Variants in ANKRD62 observed in about 807,000 individuals in gnomAD.
ANKRD62 encodes the protein ankyrin repeat domain-containing protein 62.
Under a neutral mutation model 98.8 loss-of-function variants are expected in ANKRD62, and 61 were observed. The ratio of observed to expected loss-of-function variants is 0.62; its 90% CI spans 0.50 to 0.76. The LOEUF (loss-of-function observed/expected upper bound fraction) is 0.76. Among genes scored for constraint, ANKRD62 ranks in the 30% least tolerant of loss-of-function variants. ANKRD62 has a pLI of 0.00. For missense variants in ANKRD62, 933 were observed against 1,082.9 expected, an observed-to-expected ratio of 0.86 and a Z score of 1.94; for synonymous variants, 341 against 367.9, an observed-to-expected ratio of 0.93 and a Z score of 0.84.
chr18:12,105,450 T>G (rs1306337605), intron 7 of ANKRD62, among the ~76,000 whole-genome samples: 4 of 152,212 alleles, frequency 2.6e-5, no homozygotes, highest in African/African-American at 9.6e-5. Flanking sequence ...CATGGTCTGA[T>G]GTTGAGTGCC....
At chr18:12,131,150 A>T (rs1427263123), downstream of ANKRD62, among the ~76,000 whole-genome samples, 1 of 152,180 alleles carries the variant, frequency 6.6e-6, no homozygotes, top group African/African-American at 2.4e-5. Context: ...TCAGATTTTC[A>T]AGTTAGTGTT....
the ANKRD62 span, among the ~76,000 whole-genome samples, chr18:12,136,982 T>C: frequency 6.6e-6 from 1 of 152,170 alleles, no homozygotes; most frequent in East Asian, 1.9e-4. Flanking sequence ...TATACAATCA[T>C]GTCATCTGCA....
At chr18:12,139,875 T>G in the ANKRD62 span, among the ~76,000 whole-genome samples, 1 of 152,148 alleles carries the variant, frequency 6.6e-6, no homozygotes, top group Non-Finnish European at 1.5e-5. Context: ...CTGTATTTCC[T>G]GAATTTTAAT....
At chr18:12,158,014 A>G in the ANKRD62 span, among the ~76,000 whole-genome samples, 7 of 152,360 alleles carry the variant, frequency 4.6e-5, no homozygotes, top group African/African-American at 1.7e-4. Flanking sequence ...ACCCTTGGGT[A>G]GTGTTGGCTC....
At chr18:12,155,504 G>A in the ANKRD62 span, among the ~76,000 whole-genome samples, 2 of 152,188 alleles carry the variant, frequency 1.3e-5, no homozygotes, top group Non-Finnish European at 2.9e-5. Context: ...GAGCACACAT[G>A]AAGTTCCTGT....
At chr18:12,122,934 T>C (rs4538071) in intron 11 of ANKRD62, among the ~76,000 whole-genome samples, 93,293 of 152,028 alleles carry the variant, frequency 0.61, 29,072 homozygotes, top group Middle Eastern at 0.75. Context: ...CGTTGATTAA[T>C]ATTACTAAGT....
intron 11 of ANKRD62, 71 bp from the exon 12 acceptor site, chr18:12,124,066 A>C: frequency 1.3e-6 from 1 of 762,594 alleles, no homozygotes. Flanking sequence ...TGGGCACTTT[A>C]TTAGGATAAT....
chr18:12,145,779 G>A, the ANKRD62 span, among the ~76,000 whole-genome samples: 1 of 151,948 alleles, frequency 6.6e-6, no homozygotes, highest in Non-Finnish European at 1.5e-5. Context: ...ACCTGCGGCA[G>A]AAGTGTTCCT....
At position 12,122,374 on chromosome 18, in the gene ANKRD62, TAC is replaced by T; in HGVS notation, c.1313_1314del (p.Tyr438LeufsTer2). The T allele has an allele frequency of 1.3e-6, 2 of 1,535,716 alleles. No individual in the cohort carries two copies. Among genetic ancestry groups the T allele is most frequent in the Admixed American group, 3.9e-5 (2 of 50,986 alleles). ...AAGATCAATAGAGGATCAAAAATGT[TAC>T]TGTGAACGACTTAAAGTAAAATTTC... The part of the protein sequence containing the change: ...CGRSIEDQKC[Y>X]CERLKVKFQK... On this transcript the variant is annotated frameshift_variant, in exon 11 of 14. Coordinates refer to ENST00000587848, the MANE Select transcript of ANKRD62 (RefSeq NM_001277333.2). LOFTEE classifies it high-confidence loss of function.
At chr18:12,161,772 C>G in the ANKRD62 span, among the ~76,000 whole-genome samples, 1 of 152,096 alleles carries the variant, frequency 6.6e-6, no homozygotes, top group African/African-American at 2.4e-5. Flanking sequence ...TAAGTGAGAA[C>G]ATCAATGTTT....
chr18:12,164,114 C>T, the ANKRD62 span, among the ~76,000 whole-genome samples: 7 of 151,920 alleles, frequency 4.6e-5, no homozygotes, highest in African/African-American at 1.2e-4. Context: ...TAGAATTCAG[C>T]AGTGAAGCCA....
chr18:12,114,206 G>A (rs35640729), intron 8 of ANKRD62, among the ~76,000 whole-genome samples: 36,669 of 151,836 alleles, frequency 0.24, 4,666 homozygotes, highest in Middle Eastern at 0.34. Context: ...GGCTTAATAC[G>A]TGTGTGATGA....
the ANKRD62 span, among the ~76,000 whole-genome samples, chr18:12,181,478 A>G: frequency 3.3e-5 from 5 of 151,818 alleles, no homozygotes; most frequent in African/African-American, 9.7e-5. Flanking sequence ...CTTAAAAACC[A>G]GATAAGAATT....
At chr18:12,169,945 A>G in the ANKRD62 span, among the ~76,000 whole-genome samples, 1 of 152,266 alleles carries the variant, frequency 6.6e-6, no homozygotes, top group African/African-American at 2.4e-5. Flanking sequence ...CTCTGATGGT[A>G]GTTTGTATTT....
chr18:12,155,303 C>T, the ANKRD62 span, among the ~76,000 whole-genome samples: 1 of 152,204 alleles, frequency 6.6e-6, no homozygotes, highest in Admixed American at 6.5e-5. Context: ...TGAGTCTCCA[C>T]ATCCTTTTCC....
At chr18:12,098,803 A>G (rs972701152) in intron 5 of ANKRD62, among the ~76,000 whole-genome samples, 4 of 152,196 alleles carry the variant, frequency 2.6e-5, no homozygotes, top group South Asian at 2.1e-4. Context: ...TTTGTCTTCC[A>G]TGTCAGTTGG....
At position 12,122,361 on chromosome 18, in the gene ANKRD62, G is replaced by A. The variant is rs868626950; in HGVS notation, c.1299G>A (p.Glu433=). Residue 433 remains glutamate (E), a synonymous_variant, in exon 11 of 14, where the codon GAG becomes GAA. Transcript: ENST00000587848. ...CAGCTGCATGTGGAAGATCAATAGA[G>A]GATCAAAAATGTTACTGTGAACGAC... ...NATAACGRSI[E]DQKCYCERLK... is the part of the protein sequence containing the mutation. The A allele has an allele frequency of 2.2e-5, 34 of 1,535,408 alleles. No individual in the cohort carries two copies. In the Middle Eastern group the frequency reaches 1.5e-3, roughly 68 times the overall value.
the ANKRD62 span, among the ~76,000 whole-genome samples, chr18:12,172,635 T>C: frequency 1.2e-4 from 19 of 152,344 alleles, no homozygotes; most frequent in East Asian, 3.7e-3. Context: ...ACCACTACTC[T>C]CTTCAAAGCT....
At chr18:12,170,935 A>G in the ANKRD62 span, among the ~76,000 whole-genome samples, 5 of 148,140 alleles carry the variant, frequency 3.4e-5, no homozygotes, top group Admixed American at 6.7e-5. Flanking sequence ...CTGTTTTATC[A>G]GAGACTAGGA....
Sources: allele counts gnomAD v4.1 joint callset (sites outside exome capture counted in the v4.1 genomes callset), GRCh38; gene constraint gnomAD v4.1.1; transcripts MANE v1.5; gene names NCBI Gene and HGNC (gene_info 2026-07-23, HGNC 2026-07-21).